The following ADAMTSL1 variants were observed in gnomAD, a reference collection of about 807,000 sequenced individuals.
The protein encoded by ADAMTSL1 is ADAMTS like 1.
A neutral mutation model predicts 201.8 loss-of-function variants in ADAMTSL1; 126 were observed. The ratio of observed to expected loss-of-function variants is 0.62; its 90% CI spans 0.54 to 0.72. The LOEUF is 0.72. Ranked by LOEUF, ADAMTSL1 falls within the 30% of genes least tolerant of loss-of-function variation. The probability of loss-of-function intolerance (pLI) is 0.00; values close to 1 mark genes in which losing one functional copy is unlikely to be tolerated. For synonymous variants in ADAMTSL1, 1,121 were observed against 903.4 expected (o/e 1.24, Z -4.32); for missense variants, 2,679 against 2,277.8 (o/e 1.18, Z -3.59).
At chr9:17,927,639 C>T (rs1426164977) in intron 1 of ADAMTSL1, among the ~76,000 whole-genome samples, 2 of 152,036 alleles carry the variant, frequency 1.3e-5, no homozygotes, top group African/African-American at 4.8e-5. Flanking sequence ...CTTGTCATTA[C>T]TCCCTAAACA....
At position 18,777,919 on chromosome 9, in the gene ADAMTSL1, G is replaced by GCTAA; in HGVS notation, c.3677+15_3677+18dup. 6.6e-7 allele frequency: 1 copy of GCTAA among 1,526,706 alleles called. No homozygotes were observed. The highest frequency in any genetic ancestry group is 1.3e-5 in the South Asian group (1 of 76,948). 94.6% of individuals were successfully genotyped at this position (1,526,706 alleles called of 1,614,324 possible). A position where few individuals can be genotyped will look rare whatever the true frequency, so the allele number is the denominator to read the frequency against. ...AGTTCAGTGACAGGTGAGCCTTGTA[G>GCTAA]CTAACCTGGTCTTGGGAGGGAGGCA... On this transcript the variant is annotated intron_variant, in intron 19 of 28. Transcript: ENST00000380548.
At chr9:18,047,106 C>T (rs1236941695) in intron 1 of ADAMTSL1, among the ~76,000 whole-genome samples, 1 of 152,042 alleles carries the variant, frequency 6.6e-6, no homozygotes, top group Non-Finnish European at 1.5e-5. Flanking sequence ...AGGACTAATT[C>T]AGGAGATGTT....
At chr9:18,558,915 T>A (rs1160847089) in intron 3 of ADAMTSL1, among the ~76,000 whole-genome samples, 1 of 152,210 alleles carries the variant, frequency 6.6e-6, no homozygotes, top group East Asian at 1.9e-4. Context: ...TAGCCCTTTG[T>A]CAGATGAATA....
intron 1 of ADAMTSL1, among the ~76,000 whole-genome samples, chr9:18,135,697 C>G (rs1826129598): frequency 6.6e-6 from 1 of 152,004 alleles, no homozygotes; most frequent in African/African-American, 2.4e-5. Context: ...GCATGTATAT[C>G]ACATGTATAT....
chr9:18,111,636 T>TTAG (rs1825015285), intron 1 of ADAMTSL1, among the ~76,000 whole-genome samples: 2 of 152,190 alleles, frequency 1.3e-5, no homozygotes, highest in African/African-American at 4.8e-5. Context: ...GGAGTCCACT[T>TTAG]TAGACTGACC....
At chr9:18,083,698 A>G (rs1563989539) in intron 1 of ADAMTSL1, among the ~76,000 whole-genome samples, 1 of 152,318 alleles carries the variant, frequency 6.6e-6, no homozygotes, top group East Asian at 1.9e-4. Context: ...TCTGCCTGCT[A>G]TTCAGAGTTA....
intron 2 of ADAMTSL1, among the ~76,000 whole-genome samples, chr9:18,438,105 C>T (rs1387423817): frequency 6.6e-6 from 1 of 152,024 alleles, no homozygotes; most frequent in Non-Finnish European, 1.5e-5. Flanking sequence ...TTATTCTCTG[C>T]ATCAGGCCAG....
chr9:18,552,228 T>C (rs1820834526), intron 3 of ADAMTSL1, among the ~76,000 whole-genome samples: 1 of 151,826 alleles, frequency 6.6e-6, no homozygotes, highest in South Asian at 2.1e-4. Context: ...TTCACAGAAA[T>C]GTTAAAATAA....
At chr9:18,692,402 T>A in intron 13 of ADAMTSL1, among the ~76,000 whole-genome samples, 1 of 149,842 alleles carries the variant, frequency 6.7e-6, no homozygotes, top group East Asian at 2.1e-4. Flanking sequence ...AAGTTCTAAA[T>A]TTATCAGTCC....
At chr9:17,918,485 A>G (rs1268129170) in intron 1 of ADAMTSL1, among the ~76,000 whole-genome samples, 1 of 151,860 alleles carries the variant, frequency 6.6e-6, no homozygotes, top group Non-Finnish European at 1.5e-5. Context: ...TTGCAGTGTG[A>G]TTAGATGACA....
intron 7 of ADAMTSL1, among the ~76,000 whole-genome samples, chr9:18,642,315 A>G (rs776750): frequency 0.84 from 128,230 of 151,776 alleles, 54,183 homozygotes; most frequent in Middle Eastern, 0.89. Flanking sequence ...ATTTTTAATT[A>G]ATGAGTAAAA....
chr9:18,849,714 G>C (rs1826358513), intron 23 of ADAMTSL1, among the ~76,000 whole-genome samples: 1 of 152,192 alleles, frequency 6.6e-6, no homozygotes, highest in Admixed American at 6.5e-5. Context: ...ATTTATACTG[G>C]AAGGCCGAGG....
At chr9:18,710,627 T>G (rs989236722) in intron 14 of ADAMTSL1, among the ~76,000 whole-genome samples, 1 of 151,702 alleles carries the variant, frequency 6.6e-6, no homozygotes, top group African/African-American at 2.4e-5. Context: ...TAGCCCTTAC[T>G]TTCCCCATTC....
chr9:18,312,724 C>G (rs1440310252), intron 2 of ADAMTSL1, among the ~76,000 whole-genome samples: 1 of 152,170 alleles, frequency 6.6e-6, no homozygotes, highest in African/African-American at 2.4e-5. Flanking sequence ...CTGTCTGCCC[C>G]CACCCCAGCC....
At chr9:18,318,052 G>A (rs1834476840) in intron 2 of ADAMTSL1, among the ~76,000 whole-genome samples, 1 of 151,948 alleles carries the variant, frequency 6.6e-6, no homozygotes, top group South Asian at 2.1e-4. Flanking sequence ...TTTCTTTTCT[G>A]TAAATTAGAC....
intron 1 of ADAMTSL1, among the ~76,000 whole-genome samples, chr9:18,128,655 A>T (rs1186145958): frequency 6.6e-6 from 1 of 152,204 alleles, no homozygotes; most frequent in Admixed American, 6.5e-5. Context: ...CCCCGTCTCT[A>T]ATGAAATAGA....
At chr9:18,879,112 T>C (rs1394000589) in intron 23 of ADAMTSL1, among the ~76,000 whole-genome samples, 2 of 152,166 alleles carry the variant, frequency 1.3e-5, no homozygotes, top group African/African-American at 4.8e-5. Flanking sequence ...CCAAGCAATA[T>C]AGATTTAAAT....
At chr9:18,876,671 T>C (rs1442226956) in intron 23 of ADAMTSL1, among the ~76,000 whole-genome samples, 1 of 152,148 alleles carries the variant, frequency 6.6e-6, no homozygotes. Flanking sequence ...ACTTTTGGCT[T>C]GTAGCTCTTT....
intron 21 of ADAMTSL1, among the ~76,000 whole-genome samples, chr9:18,817,580 T>C (rs982054581): frequency 2.6e-5 from 4 of 152,104 alleles, no homozygotes; most frequent in African/African-American, 7.2e-5. Flanking sequence ...GAAAATCCTC[T>C]AGGCTGTAGA....
Sources: gnomAD v4.1 joint callset for allele counts (sites outside exome capture counted in the v4.1 genomes callset) on GRCh38, gnomAD v4.1.1 for gene constraint, MANE v1.5 for transcripts, NCBI Gene and HGNC (gene_info 2026-07-23, HGNC 2026-07-21) for gene names.